OPCML: variants seen among roughly 807,000 people sequenced by gnomAD.
OPCML encodes opioid-binding protein/cell adhesion molecule.
In OPCML, 13 loss-of-function variants were observed where a neutral mutation model predicts 37.8. The observed-to-expected ratio is 0.34, with a 90% CI of 0.22 to 0.55. The LOEUF (loss-of-function observed/expected upper bound fraction) is 0.55. Ranked by LOEUF, OPCML falls within the 20% of genes least tolerant of loss-of-function variation. The pLI, the probability that OPCML is intolerant of heterozygous loss-of-function variation, is 0.91. For missense variants in OPCML, 341 were observed against 435.6 expected (o/e 0.78, Z 1.93); for synonymous variants, 176 against 168.8 (o/e 1.04, Z -0.33).
At chr11:132,584,363 T>A (rs2096468113) in intron 3 of OPCML, among the ~76,000 whole-genome samples, 1 of 152,196 alleles carries the variant, frequency 6.6e-6, no homozygotes, top group Non-Finnish European at 1.5e-5. Context: ...TTTTTCACAA[T>A]CCTATCCTCT....
intron 4 of OPCML, among the ~76,000 whole-genome samples, chr11:132,456,783 T>C (rs553287131): frequency 1.3e-5 from 2 of 152,386 alleles, no homozygotes; most frequent in South Asian, 4.1e-4. Context: ...TTGTTCAACA[T>C]AGTCCAATTG....
chr11:133,003,382 A>G (rs1290534583), intron 1 of OPCML, among the ~76,000 whole-genome samples: 1 of 151,748 alleles, frequency 6.6e-6, no homozygotes, highest in Non-Finnish European at 1.5e-5. Context: ...CATCTCTCCA[A>G]CCTTCCAGAT....
At chr11:133,258,920 C>A (rs776150542) in intron 1 of OPCML, among the ~76,000 whole-genome samples, 18 of 152,204 alleles carry the variant, frequency 1.2e-4, no homozygotes, top group Non-Finnish European at 2.4e-4. Flanking sequence ...AGTGGAACAG[C>A]AGGGCCTGGC....
At chr11:132,767,974 G>A (rs537690863) in intron 2 of OPCML, among the ~76,000 whole-genome samples, 1 of 152,258 alleles carries the variant, frequency 6.6e-6, no homozygotes, top group South Asian at 2.1e-4. Flanking sequence ...GAAATCAAGA[G>A]TGATACTGTC....
At chr11:133,435,169 A>G (rs1377814047) in intron 1 of OPCML, among the ~76,000 whole-genome samples, 1 of 152,080 alleles carries the variant, frequency 6.6e-6, no homozygotes, top group African/African-American at 2.4e-5. Flanking sequence ...GTTATATTTT[A>G]TTGCATTTTA....
intron 1 of OPCML, among the ~76,000 whole-genome samples, chr11:133,242,556 G>A (rs1248849134): frequency 1.3e-5 from 2 of 152,142 alleles, no homozygotes; most frequent in African/African-American, 4.8e-5. Context: ...TTGTGCAGGT[G>A]CCTCCTGGTG....
chr11:133,032,319 C>T (rs1362452163), intron 1 of OPCML, among the ~76,000 whole-genome samples: 1 of 152,194 alleles, frequency 6.6e-6, no homozygotes, highest in Admixed American at 6.5e-5. Context: ...CAGCCCAGTA[C>T]ATCTACCAGC....
intron 4 of OPCML, among the ~76,000 whole-genome samples, chr11:132,506,045 A>C (rs1312446433): frequency 1.3e-5 from 2 of 152,232 alleles, no homozygotes; most frequent in African/African-American, 2.4e-5. Flanking sequence ...TTACTCATAC[A>C]ATTACAACTA....
chr11:133,463,902 G>A (rs976429864), intron 1 of OPCML, among the ~76,000 whole-genome samples: 1 of 152,134 alleles, frequency 6.6e-6, no homozygotes, highest in African/African-American at 2.4e-5. Flanking sequence ...GTGATGGTTG[G>A]CAATTGACCC....
intron 1 of OPCML, among the ~76,000 whole-genome samples, chr11:133,162,511 G>A (rs902805875): frequency 6.6e-6 from 1 of 152,214 alleles, no homozygotes; most frequent in Non-Finnish European, 1.5e-5. Context: ...TTCCCGTCAT[G>A]TCAGTGCTGG....
intron 3 of OPCML, among the ~76,000 whole-genome samples, chr11:132,652,142 A>T (rs1275638670): frequency 6.6e-6 from 1 of 152,150 alleles, no homozygotes; most frequent in African/African-American, 2.4e-5. Context: ...CAGTACTTAC[A>T]TAGGATAAAG....
intron 1 of OPCML, chr11:133,006,069 T>C (rs2136861728): frequency 1.0e-6 from 1 of 985,068 alleles, no homozygotes; most frequent in Admixed American, 6.2e-5. Flanking sequence ...GGGAATGGAG[T>C]GTGCTCATAA....
chr11:133,221,371 A>C (rs76182676), intron 1 of OPCML, among the ~76,000 whole-genome samples: 2,128 of 152,294 alleles, frequency 0.014, 54 homozygotes, highest in African/African-American at 0.048. Context: ...ACCTTCACAT[A>C]ACAACTGCAT....
chr11:132,671,986 G>A (rs1942496136), intron 2 of OPCML, among the ~76,000 whole-genome samples: 1 of 152,132 alleles, frequency 6.6e-6, no homozygotes, highest in Admixed American at 6.5e-5. Flanking sequence ...CACTTCCTCA[G>A]CACACTGACT....
chr11:132,973,983 T>C (rs1946402894), intron 1 of OPCML, among the ~76,000 whole-genome samples: 1 of 151,878 alleles, frequency 6.6e-6, no homozygotes, highest in Non-Finnish European at 1.5e-5. Flanking sequence ...GCCTGCCCCT[T>C]ACCAAGCACA....
At chr11:133,033,265 G>A (rs138371980) in intron 1 of OPCML, among the ~76,000 whole-genome samples, 1 of 152,298 alleles carries the variant, frequency 6.6e-6, no homozygotes, top group East Asian at 1.9e-4. Context: ...CCAGCAAGCT[G>A]ACAAGACAAA....
intron 1 of OPCML, among the ~76,000 whole-genome samples, chr11:133,096,280 ATAT>A (rs1408987123): frequency 1.3e-5 from 2 of 152,002 alleles, no homozygotes; most frequent in African/African-American, 4.8e-5. Flanking sequence ...ATGAATAGGT[ATAT>A]TATTATATTA....
At chr11:132,947,971 CAA>C (rs1410299788) in intron 1 of OPCML, among the ~76,000 whole-genome samples, 2 of 152,034 alleles carry the variant, frequency 1.3e-5, no homozygotes, top group Admixed American at 6.5e-5. Context: ...TGTCTGTCCT[CAA>C]AAAGTTTCAG....
At chr11:133,049,684 T>C (rs987628749) in intron 1 of OPCML, among the ~76,000 whole-genome samples, 4 of 152,228 alleles carry the variant, frequency 2.6e-5, no homozygotes, top group African/African-American at 9.6e-5. Context: ...GGCAGTCTTA[T>C]AATCTGATTT....
Sources: gnomAD v4.1 joint callset for allele counts (sites outside exome capture counted in the v4.1 genomes callset) on GRCh38, gnomAD v4.1.1 for gene constraint, MANE v1.5 for transcripts, NCBI Gene and HGNC (gene_info 2026-07-23, HGNC 2026-07-21) for gene names.